Variants in USP45 observed in about 807,000 individuals in gnomAD.
The protein encoded by USP45 is ubiquitin carboxyl-terminal hydrolase 45.
In USP45, 89 loss-of-function variants were observed where a neutral mutation model predicts 95.8. The observed-to-expected ratio is 0.93, with a 90% CI of 0.78 to 1.11. USP45 has a LOEUF of 1.11. Ranked by LOEUF, USP45 falls within the 50% of genes least tolerant of loss-of-function variation. The pLI is 0.00. For synonymous variants in USP45, 281 were observed against 316.2 expected (o/e 0.89, Z 1.18); for missense variants, 898 against 942.5 (o/e 0.95, Z 0.62).
At chr6:99,460,793 G>A (rs1217467647) in intron 13 of USP45, 36 of 984,660 alleles carry the variant, frequency 3.7e-5, no homozygotes, top group Non-Finnish European at 4.1e-5. Flanking sequence ...GCACAACACA[G>A]GTTTCAGCAA....
chr6:99,449,175 A>T (rs1783251303), intron 13 of USP45, among the ~76,000 whole-genome samples: 1 of 152,174 alleles, frequency 6.6e-6, no homozygotes, highest in Non-Finnish European at 1.5e-5. Context: ...AACAATATTA[A>T]CCTTAAATGT....
chr6:99,487,652 A>G (rs893625834), intron 7 of USP45, among the ~76,000 whole-genome samples: 1 of 150,830 alleles, frequency 6.6e-6, no homozygotes, highest in Non-Finnish European at 1.5e-5. Context: ...AAAAAAAAAA[A>G]AAAAGTTAGC....
At chr6:99,457,108 C>CA (rs1440304682) in intron 13 of USP45, among the ~76,000 whole-genome samples, 2 of 152,198 alleles carry the variant, frequency 1.3e-5, no homozygotes, top group African/African-American at 4.8e-5. Context: ...CGGGTGCTCT[C>CA]AAAACCCTGT....
Position 99,446,022 on chromosome 6 carries a change from A to C in USP45, c.1750T>G (p.Ser584Ala), listed in dbSNP as rs1296216457. 6.2e-7 allele frequency: 1 copy of C among 1,614,050 alleles called. No homozygotes were observed. The highest frequency in any genetic ancestry group is 8.5e-7 in the Non-Finnish European group (1 of 1,180,012). The change falls in exon 14 of 18, where the codon TCA becomes GCA. Residue 584 changes from serine to alanine, a missense_variant. Ser to Ala is a moderately conservative substitution (Grantham distance 99). Transcript: ENST00000500704. ...CCCTCTAAAAAACATAAATTATTTG[A>C]AATATTTAGTGGCTGATTTTCTCTG... ...FDRENQPLNI[S>A]NNLCFLEGKH...
chr6:99,438,041 C>T (rs931048752), intron 16 of USP45, among the ~76,000 whole-genome samples: 1 of 152,120 alleles, frequency 6.6e-6, no homozygotes, highest in Non-Finnish European at 1.5e-5. Context: ...GGATTTGATC[C>T]CACAAATACA....
intron 8 of USP45, among the ~76,000 whole-genome samples, chr6:99,478,594 T>A (rs532320258): frequency 6.6e-6 from 1 of 152,224 alleles, no homozygotes; most frequent in East Asian, 1.9e-4. Flanking sequence ...AGCAAAGACA[T>A]GGAATCAACC....
Position 99,498,323 on chromosome 6 carries a change from A to C in USP45, c.478+5442T>G, listed in dbSNP as rs375637027. Among the ~76,000 whole-genome samples the C allele has an allele frequency of 3.6e-4, 55 of 152,344 alleles. No individual in the cohort carries two copies. In the South Asian group the frequency reaches 0.011, roughly 31 times the overall value. On this transcript the variant is annotated intron_variant, in intron 5 of 17. Transcript: ENST00000500704. ...CCTCAACAAAAACTGGTCACATTCT[A>C]TTTGGTTTATTCAGCAAGTATTTAC...
intron 14 of USP45, among the ~76,000 whole-genome samples, chr6:99,444,570 C>T (rs1782126306): frequency 6.6e-6 from 1 of 152,122 alleles, no homozygotes; most frequent in Non-Finnish European, 1.5e-5. Context: ...ACCCCAACAA[C>T]CTCCTTCACT....
intron 4 of USP45, among the ~76,000 whole-genome samples, chr6:99,506,399 C>T (rs1449746692): frequency 6.6e-6 from 1 of 152,150 alleles, no homozygotes; most frequent in African/African-American, 2.4e-5. Context: ...ACCTCCATCT[C>T]CCAGGTTCAA....
intron 13 of USP45, among the ~76,000 whole-genome samples, chr6:99,453,732 A>G (rs10155760): frequency 0.98 from 149,509 of 152,258 alleles, 73,457 homozygotes; most frequent in East Asian, 1. Flanking sequence ...GCTGAGGTAG[A>G]TAGATCAACT....
At chr6:99,515,125 G>A (rs1450070635) in intron 1 of USP45, 4 of 152,336 alleles carry the variant, frequency 2.6e-5, no homozygotes, top group Non-Finnish European at 4.4e-5. Flanking sequence ...GCGCGCCCAG[G>A]TCACCAGGGG....
chr6:99,448,987 C>A (rs1177334857), intron 13 of USP45, among the ~76,000 whole-genome samples: 2 of 152,150 alleles, frequency 1.3e-5, no homozygotes, highest in Admixed American at 6.5e-5. Context: ...GATTGTGTCA[C>A]CACCAGACCT....
intron 5 of USP45, among the ~76,000 whole-genome samples, chr6:99,498,758 G>A (rs923380607): frequency 2.0e-5 from 3 of 152,116 alleles, no homozygotes; most frequent in Admixed American, 1.3e-4. Context: ...GTTCTCCAGA[G>A]GCCATATGGC....
chr6:99,509,647 C>CAAAAAAAAAA (rs199667881), intron 2 of USP45, among the ~76,000 whole-genome samples: 2 of 60,664 alleles, frequency 3.3e-5, no homozygotes, highest in Non-Finnish European at 3.5e-5. Flanking sequence ...AGAAAGAGAC[C>CAAAAAAAAAA]AAAAAAAAAA....
rs143913725 is a variant in USP45 at position 99,464,682 on chromosome 6, A to G, written c.1230T>C (p.Asp410=). The G allele has an allele frequency of 3.0e-4, 476 of 1,613,126 alleles. 7 individuals are homozygous for G. The East Asian group carries it at 9.0e-3, about 31-fold the overall frequency. The change falls in exon 13 of 18, where the codon GAT becomes GAC. Residue 410 remains aspartate, a synonymous_variant. Transcript: ENST00000500704. ...KYRSLRETDH[D]RYSGNVTIEN... is the part of the protein sequence containing the mutation. ...CTATAGTAACATTGCCACTGTATCG[A>G]TCATGATCTGTCTCCCGTAAACTTC...
Position 99,444,021 on chromosome 6 carries a change from AT to A in USP45, c.1976-360del, listed in dbSNP as rs200530604. ...GTTTAAAAAGATTTCTAGATTTCTA[AT>A]TTTTTTTTTTTCTTTTGAGATTGCT... On this transcript the variant is annotated intron_variant, in intron 14 of 17. Transcript: ENST00000500704. 3.2e-3 allele frequency among the ~76,000 whole-genome samples: 474 copies of A among 148,038 alleles called. 3 individuals carry two copies. Among genetic ancestry groups the A allele is most frequent in the East Asian group, 0.025 (125 of 5,086 alleles).
At position 99,439,775 on chromosome 6, in the gene USP45, A is replaced by G; in HGVS notation, c.2154T>C (p.Thr718=). The change falls in exon 16 of 18, where the codon ACT becomes ACC. Residue 718 remains threonine (T), a synonymous_variant. Transcript: ENST00000500704. ...MLDLAPFCSA[T]CKNASVGDKV... Reference sequence around the variant, plus strand: ...ATATCTTAATATACTGTACCTTACAAGTAGCAGAGCAGAATGGTGCTAAAT... The same window carrying G: ...ATATCTTAATATACTGTACCTTACAGGTAGCAGAGCAGAATGGTGCTAAAT... 6.3e-7 allele frequency: 1 copy of G among 1,593,346 alleles called. No homozygotes were observed. Among genetic ancestry groups the G allele is most frequent in the Non-Finnish European group, 8.6e-7 (1 of 1,169,286 alleles).
intron 15 of USP45, among the ~76,000 whole-genome samples, chr6:99,440,544 C>G (rs1208654260): frequency 6.6e-6 from 1 of 152,034 alleles, no homozygotes; most frequent in Non-Finnish European, 1.5e-5. Flanking sequence ...TGAAAAGATA[C>G]CTAAATCTGA....
intron 13 of USP45, among the ~76,000 whole-genome samples, chr6:99,453,465 G>A (rs914826568): frequency 6.6e-5 from 10 of 152,008 alleles, no homozygotes; most frequent in African/African-American, 2.2e-4. Context: ...AACTGAGGAG[G>A]TGAAAGACCT....
Sources: gnomAD v4.1 joint callset for allele counts (sites outside exome capture counted in the v4.1 genomes callset) on GRCh38, gnomAD v4.1.1 for gene constraint, MANE v1.5 for transcripts, NCBI Gene and HGNC (gene_info 2026-07-23, HGNC 2026-07-21) for gene names.